Variants in KIAA1217 observed in about 807,000 individuals in gnomAD.
KIAA1217 encodes KIAA1217.
Under a neutral mutation model 163.9 loss-of-function variants are expected in KIAA1217, and 88 were observed. The observed-to-expected ratio is 0.54, with a 90% CI of 0.45 to 0.64. KIAA1217 has a LOEUF of 0.64. Ranked by LOEUF, KIAA1217 falls within the 30% of genes least tolerant of loss-of-function variation. The pLI, the probability that KIAA1217 is intolerant of heterozygous loss-of-function variation, is 0.00. For synonymous variants in KIAA1217, 903 were observed against 923.1 expected (o/e 0.98, Z 0.39); for missense variants, 2,372 against 2,475.0 (o/e 0.96, Z 0.88).
At chr10:24,475,075 C>T (rs528098093) in intron 6 of KIAA1217, among the ~76,000 whole-genome samples, 215 of 152,078 alleles carry the variant, frequency 1.4e-3, no homozygotes, top group African/African-American at 4.4e-3. Context: ...AAAAATTAGT[C>T]GGGTGTGGTG....
At chr10:24,520,023 C>G in intron 10 of KIAA1217, 100 bp from the exon 11 acceptor site, 3 of 1,366,686 alleles carry the variant, frequency 2.2e-6, no homozygotes, top group Admixed American at 4.0e-5. Flanking sequence ...GGAGCTGGGG[C>G]TCTACACAAA....
chr10:23,980,044 C>T (rs1262394613), intron 1 of KIAA1217, among the ~76,000 whole-genome samples: 2 of 152,176 alleles, frequency 1.3e-5, no homozygotes, highest in African/African-American at 2.4e-5. Context: ...ATATTTTCCT[C>T]TTCCTCTCTG....
intron 2 of KIAA1217, among the ~76,000 whole-genome samples, chr10:24,250,623 A>ATTTTTTGCG (rs1564343207): frequency 4.1e-5 from 1 of 24,508 alleles, no homozygotes; most frequent in Non-Finnish European, 6.9e-5. Context: ...TGTATTGTTA[A>ATTTTTTGCG]TAGAGACGGA....
chr10:23,871,323 C>A (rs762771248), intron 1 of KIAA1217, among the ~76,000 whole-genome samples: 4 of 151,968 alleles, frequency 2.6e-5, no homozygotes, highest in Non-Finnish European at 5.9e-5. Flanking sequence ...TTTCCTCTAC[C>A]CTATTTTTAG....
intron 1 of KIAA1217, among the ~76,000 whole-genome samples, chr10:23,973,459 C>A (rs1845407249): frequency 6.6e-6 from 1 of 152,184 alleles, no homozygotes; most frequent in Admixed American, 6.5e-5. Flanking sequence ...ATCAGATCTA[C>A]CTGAATCTAA....
intron 1 of KIAA1217, among the ~76,000 whole-genome samples, chr10:23,976,124 C>T (rs1845531259): frequency 6.6e-6 from 1 of 152,118 alleles, no homozygotes; most frequent in Admixed American, 6.5e-5. Context: ...TGAAGAATTG[C>T]TCAATGTCAG....
chr10:24,191,546 C>A (rs979075454), intron 2 of KIAA1217, among the ~76,000 whole-genome samples: 27 of 149,952 alleles, frequency 1.8e-4, no homozygotes, highest in African/African-American at 3.0e-4. Flanking sequence ...ATCTCATGTA[C>A]CCACAAATAT....
At position 24,110,844 on chromosome 10, in the gene KIAA1217, G is replaced by A. The variant is rs539762613; in HGVS notation, c.-171+103470G>A. On this transcript the variant is annotated intron_variant, in intron 2 of 18. Transcript: ENST00000376462. ...TCAGGTTAGAGCAGAGCAGGTTTTA[G>A]TTTCCTCAAAGTGCATATTAAAACT... is the stretch of plus-strand genomic sequence containing the variant. 2.6e-5 allele frequency among the ~76,000 whole-genome samples: 4 copies of A among 152,334 alleles called. No individual in the cohort carries two copies. In the East Asian group the frequency reaches 7.7e-4, roughly 29 times the overall value.
chr10:23,829,848 A>G (rs1020813911), intron 1 of KIAA1217, among the ~76,000 whole-genome samples: 1 of 152,216 alleles, frequency 6.6e-6, no homozygotes, highest in Non-Finnish European at 1.5e-5. Context: ...ATATGAATGC[A>G]CATGACCTCT....
Position 24,546,019 on chromosome 10 carries a change from C to G in KIAA1217, c.5527C>G (p.Gln1843Glu), listed in dbSNP as rs750954183. The G allele has an allele frequency of 1.9e-6, 3 of 1,614,166 alleles. No individual in the cohort carries two copies. The highest frequency in any genetic ancestry group is 2.5e-6 in the Non-Finnish European group (3 of 1,180,018). Residue 1843 changes from glutamine to glutamate, a missense_variant, in exon 21 of 21, where the codon CAA (glutamine) becomes GAA (glutamate). Gln to Glu is a conservative substitution (Grantham distance 29, BLOSUM62 2). Around this residue, in one of 3 missense-constraint regions of KIAA1217, gnomAD observed 690 missense variants for 677.5 expected, o/e 1.02. Coordinates refer to ENST00000376454, the MANE Select transcript of KIAA1217 (RefSeq NM_019590.5). Reference protein sequence around the residue: ...PSIASNPLSPQTGPPAHSASL... With the variant: ...PSIASNPLSPETGPPAHSASL... ...GATTGCTTCTAACCCTCTCAGCCCCCAAACAGGACCACCTGCTCACTCTGC... is the reference window on the plus strand; with the variant it reads ...GATTGCTTCTAACCCTCTCAGCCCCGAAACAGGACCACCTGCTCACTCTGC...
At chr10:24,360,257 A>G (rs1035488083) in intron 2 of KIAA1217, among the ~76,000 whole-genome samples, 2 of 152,040 alleles carry the variant, frequency 1.3e-5, no homozygotes, top group African/African-American at 4.8e-5. Flanking sequence ...CATGTTGGCC[A>G]GGCTGGTCTT....
intron 1 of KIAA1217, among the ~76,000 whole-genome samples, chr10:23,751,293 G>A (rs1301936573): frequency 1.3e-5 from 2 of 152,128 alleles, no homozygotes; most frequent in Admixed American, 6.5e-5. Flanking sequence ...CTTCCAAAGT[G>A]CTGGGATTAC....
chr10:24,462,253 T>G (rs922787201), intron 5 of KIAA1217, among the ~76,000 whole-genome samples: 1 of 152,022 alleles, frequency 6.6e-6, no homozygotes, highest in Non-Finnish European at 1.5e-5. Context: ...TAAAACCTAA[T>G]TGTAAGTCAA....
chr10:23,874,107 T>A (rs1182845585), intron 1 of KIAA1217, among the ~76,000 whole-genome samples: 2 of 152,012 alleles, frequency 1.3e-5, no homozygotes, highest in Non-Finnish European at 2.9e-5. Context: ...GGATTCTGTT[T>A]GATATTAACC....
intron 2 of KIAA1217, among the ~76,000 whole-genome samples, chr10:24,018,177 A>G (rs970126322): frequency 6.6e-6 from 1 of 152,120 alleles, no homozygotes; most frequent in East Asian, 1.9e-4. Context: ...CCAAACAAAA[A>G]GTCACCAAAC....
chr10:24,049,103 C>T (rs1283004730), intron 2 of KIAA1217, among the ~76,000 whole-genome samples: 6 of 149,822 alleles, frequency 4.0e-5, no homozygotes, highest in African/African-American at 1.5e-4. Context: ...AGTAATTCTT[C>T]TTACCGTACT....
intron 2 of KIAA1217, among the ~76,000 whole-genome samples, chr10:24,276,850 C>T (rs1173193692): frequency 1.3e-5 from 2 of 151,904 alleles, no homozygotes; most frequent in African/African-American, 2.4e-5. Flanking sequence ...CCTTGTGATC[C>T]GTCCGCCTCA....
At chr10:24,448,707 G>A (rs952878350) in intron 5 of KIAA1217, among the ~76,000 whole-genome samples, 5 of 152,242 alleles carry the variant, frequency 3.3e-5, no homozygotes, top group Admixed American at 1.3e-4. Context: ...AGATTGAGTC[G>A]ATAGTCAGTA....
chr10:24,053,267 A>G (rs777922380), intron 2 of KIAA1217, among the ~76,000 whole-genome samples: 2 of 152,164 alleles, frequency 1.3e-5, no homozygotes, highest in Non-Finnish European at 2.9e-5. Flanking sequence ...AGGAACACAG[A>G]TAACTTTTGT....
Sources: allele counts gnomAD v4.1 joint callset (sites outside exome capture counted in the v4.1 genomes callset), GRCh38; gene constraint gnomAD v4.1.1; regional missense constraint gnomAD v4.1.1; transcripts MANE v1.5; gene names NCBI Gene and HGNC (gene_info 2026-07-23, HGNC 2026-07-21).